The following GPRC5C variants were observed in gnomAD, a reference collection of about 807,000 sequenced individuals.
The protein encoded by GPRC5C is G protein-coupled receptor family C group 5 member C.
In GPRC5C, 22 loss-of-function variants were observed where a neutral mutation model predicts 31.4. The ratio of observed to expected loss-of-function variants is 0.70; its 90% CI spans 0.50 to 1.00. GPRC5C has a LOEUF of 1.00. Ranked by LOEUF, GPRC5C falls within the 50% of genes least tolerant of loss-of-function variation. The pLI is 0.00. For missense variants in GPRC5C, 557 were observed against 597.2 expected (o/e 0.93, Z 0.70); for synonymous variants, 249 against 257.5 (o/e 0.97, Z 0.32).
Position 74,440,367 on chromosome 17 carries a change from C to T in GPRC5C, c.591C>T (p.Ala197=), listed in dbSNP as rs185247345. The part of the protein sequence containing the change: ...GPQGNSSAGW[A]VASPCAIANM... Reference sequence around the variant, plus strand: ...AGGGCAACAGCAGCGCAGGCTGGGCCGTGGCCTCCCCCTGTGCCATCGCCA... The same window carrying T: ...AGGGCAACAGCAGCGCAGGCTGGGCTGTGGCCTCCCCCTGTGCCATCGCCA... The change falls in exon 2 of 4, where the codon GCC becomes GCT. Residue 197 remains alanine, a synonymous_variant. Transcript: ENST00000392627. This position sits in a 1 kb window ranked among gnomAD's most constrained non-coding sequence, Gnocchi z 4.4. The T allele has an allele frequency of 4.6e-5, 74 of 1,614,004 alleles. No homozygotes were observed. The highest frequency in any genetic ancestry group is 5.5e-5 in the Non-Finnish European group (65 of 1,180,020).
In GPRC5C at chr17:74,440,875, C is replaced by T; in HGVS notation, c.1051+48C>T. On this transcript the variant is annotated intron_variant, in intron 2 of 3. Coordinates refer to ENST00000392627, the MANE Select transcript of GPRC5C (RefSeq NM_022036.4). This position sits in a 1 kb window ranked among gnomAD's most constrained non-coding sequence, Gnocchi z 4.4. ...AGTGGCCCCTTTCTCCATCCCATGT[C>T]TTTTACTGCAGGACAGGGAGCCAGT... 7.0e-7 allele frequency: 1 copy of T among 1,423,112 alleles called. No individual in the cohort carries two copies. The highest frequency in any genetic ancestry group is 1.8e-5 in the South Asian group (1 of 55,360). The allele number at this position is 1,423,112 out of a possible 1,614,324, so 88.2% of individuals were successfully genotyped here. A position where few individuals can be genotyped will look rare whatever the true frequency, so the allele number is the denominator to read the frequency against.
chr17:74,440,667 C>T lies in GPRC5C; in HGVS notation c.891C>T (p.Ile297=). 6.2e-7 allele frequency: 1 copy of T among 1,608,212 alleles called. No homozygotes were observed. The highest frequency in any genetic ancestry group is 2.2e-5 in the East Asian group (1 of 44,696). Residue 297 remains isoleucine (I), a synonymous_variant, in exon 2 of 4, where the codon ATC becomes ATT. Coordinates refer to ENST00000392627, the MANE Select transcript of GPRC5C (RefSeq NM_022036.4). The surrounding 1 kb of genome is among the most constrained non-coding windows in gnomAD (Gnocchi z 4.4). The part of the protein sequence containing the change: ...NAWAFVLFYV[I]PEVSQVTKSS... ...GGGCCTTCGTCCTCTTCTACGTCATCCCCGAGGTCTCCCAGGTGACCAAGT... is the reference window on the plus strand; with the variant it reads ...GGGCCTTCGTCCTCTTCTACGTCATTCCCGAGGTCTCCCAGGTGACCAAGT...
At chr17:74,432,340 T>A in intron 1 of GPRC5C, 199 bp downstream of exon 1, 6 of 1,418,134 alleles carry the variant, frequency 4.2e-6, no homozygotes, top group Non-Finnish European at 5.5e-6. Context: ...CCAGCGCGCC[T>A]GGCTCAGCCT....
chr17:74,436,861 C>T (rs2055439082), intron 1 of GPRC5C, among the ~76,000 whole-genome samples: 1 of 152,224 alleles, frequency 6.6e-6, no homozygotes, highest in South Asian at 2.1e-4. Flanking sequence ...TAGGATCCCA[C>T]AGCTTGTTGT....
downstream of GPRC5C, among the ~76,000 whole-genome samples, chr17:74,448,441 A>G (rs1328706067): frequency 6.6e-6 from 1 of 152,138 alleles, no homozygotes; most frequent in African/African-American, 2.4e-5. Context: ...GCAGTGGCAC[A>G]ATCTCGGCTC....
intron 1 of GPRC5C, among the ~76,000 whole-genome samples, chr17:74,434,299 C>T (rs1425022082): frequency 1.3e-5 from 2 of 152,132 alleles, no homozygotes; most frequent in African/African-American, 2.4e-5. Context: ...AATCTTTAAG[C>T]AGAAGATGCA....
chr17:74,446,944 C>T lies in GPRC5C; in HGVS notation c.1242C>T (p.Tyr414=). 1 of 1,614,154 alleles carries T rather than the reference C, an allele frequency of 6.2e-7. No homozygotes were observed. The highest frequency in any genetic ancestry group is 8.5e-7 in the Non-Finnish European group (1 of 1,179,970). The change falls in exon 4 of 4, where the codon TAC becomes TAT. Residue 414 remains tyrosine (Y), a synonymous_variant. Transcript: ENST00000392627. The stretch of plus-strand genomic sequence containing the variant: ...CGACCCTGCGGGCTGAAGACATGTA[C>T]TCGGCCCAGAGCCACCAGGCGGCCA... ...ANSTLRAEDM[Y]SAQSHQAATP... is the part of the protein sequence containing the mutation.
rs1335571673 is a variant in GPRC5C at position 74,440,247 on chromosome 17, C to T, written c.471C>T (p.Phe157=). The part of the protein sequence containing the change: ...KNHGPRGWVI[F]TVALLLTLVE... The stretch of plus-strand genomic sequence containing the variant: ...ACGGGCCCCGGGGCTGGGTGATCTT[C>T]ACTGTGGCTCTGCTGCTGACCCTGG... The change falls in exon 2 of 4, where the codon TTC becomes TTT. Residue 157 remains phenylalanine (F), a synonymous_variant. Transcript: ENST00000392627. The surrounding 1 kb of genome is among the most constrained non-coding windows in gnomAD (Gnocchi z 4.4). The T allele has an allele frequency of 6.2e-7, 1 of 1,614,214 alleles. No individual in the cohort carries two copies. The highest frequency in any genetic ancestry group is 8.5e-7 in the Non-Finnish European group (1 of 1,180,028).
rs770239078 is a variant in GPRC5C, at chr17:74,447,178, G to A, written c.*150G>A. The A allele has an allele frequency of 2.6e-5, 37 of 1,427,892 alleles. No homozygotes were observed. Among genetic ancestry groups the A allele is most frequent in the Non-Finnish European group, 2.9e-5 (32 of 1,091,118 alleles). 88.5% of individuals were successfully genotyped at this position (1,427,892 alleles called of 1,614,324 possible). On this transcript the variant is annotated 3_prime_UTR_variant, in exon 4 of 4. Coordinates refer to ENST00000392627, the MANE Select transcript of GPRC5C (RefSeq NM_022036.4). The stretch of plus-strand genomic sequence containing the variant: ...AGGGCCTCCCTCTCTGCCAGTGTTT[G>A]GGTGGGTGTCATGGGTGTCCCCACC...
chr17:74,443,794 A>G (rs768755861), intron 2 of GPRC5C, 24 bp from the exon 3 acceptor site: 1 of 1,552,576 alleles, frequency 6.4e-7, no homozygotes, highest in Non-Finnish European at 8.9e-7. Context: ...GGGATCTTCA[A>G]ACTGTTCCTG....
downstream of GPRC5C, chr17:74,448,910 C>T (rs1340227656): frequency 2.3e-6 from 3 of 1,289,244 alleles, no homozygotes; most frequent in Non-Finnish European, 3.0e-6. Flanking sequence ...CCGTGGCCCA[C>T]CCTGGGTAAG....
intron 1 of GPRC5C, among the ~76,000 whole-genome samples, chr17:74,436,762 G>T (rs1261714436): frequency 6.6e-6 from 1 of 152,164 alleles, no homozygotes; most frequent in Non-Finnish European, 1.5e-5. Context: ...AGTCTAAGTG[G>T]CAGTTCTGAG....
In GPRC5C at chr17:74,440,304, C is replaced by T. The variant is rs1039405064; in HGVS notation, c.528C>T (p.Ile176=). Residue 176 remains isoleucine, a synonymous_variant, in exon 2 of 4, where the codon ATC becomes ATT. Transcript: ENST00000392627. The surrounding 1 kb of genome is among the most constrained non-coding windows in gnomAD (Gnocchi z 4.4). ...TCATCATCAATACAGAGTGGCTGATCATCACCCTGGTTCGGGGCAGTGGCG... is the reference window on the plus strand; with the variant it reads ...TCATCATCAATACAGAGTGGCTGATTATCACCCTGGTTCGGGGCAGTGGCG... ...VEVIINTEWL[I]ITLVRGSGEG... 3.1e-6 allele frequency: 5 copies of T among 1,614,198 alleles called. No individual in the cohort carries two copies. Among genetic ancestry groups the T allele is most frequent in the Non-Finnish European group, 4.2e-6 (5 of 1,180,022 alleles).
intron 1 of GPRC5C, among the ~76,000 whole-genome samples, chr17:74,437,504 G>A (rs1399914209): frequency 2.6e-5 from 4 of 152,152 alleles, no homozygotes; most frequent in African/African-American, 4.8e-5. Context: ...TTTTCAAGTG[G>A]CATGGAGACT....
chr17:74,437,093 G>A (rs1008705692), intron 1 of GPRC5C, among the ~76,000 whole-genome samples: 5 of 152,034 alleles, frequency 3.3e-5, no homozygotes, highest in Admixed American at 6.5e-5. Flanking sequence ...ACAGGCGCAC[G>A]CCACCACACC....
Position 74,438,065 on chromosome 17 carries a change from C to T in GPRC5C, c.-32-1680C>T, listed in dbSNP as rs572059662. Among the ~76,000 whole-genome samples, 1,097 of 150,896 alleles carry T rather than the reference C, an allele frequency of 7.3e-3. 8 individuals carry two copies. Among genetic ancestry groups the T allele is most frequent in the Non-Finnish European group, 0.011 (762 of 67,708 alleles). ...TCTTTCTTTTTTTTGGAAACAGTCT[C>T]GCTCTGTTGCCCAGGCTGCAGTGCA... On this transcript the variant is annotated intron_variant, in intron 1 of 3. Transcript: ENST00000392627.
At chr17:74,434,926 G>C (rs1334427108) in intron 1 of GPRC5C, among the ~76,000 whole-genome samples, 2 of 137,470 alleles carry the variant, frequency 1.5e-5, no homozygotes, top group Non-Finnish European at 3.2e-5. Context: ...TTCGTCTCAA[G>C]AAAAAAAAAA....
chr17:74,434,970 A>G (rs2055411478), intron 1 of GPRC5C, among the ~76,000 whole-genome samples: 1 of 151,946 alleles, frequency 6.6e-6, no homozygotes, highest in Non-Finnish European at 1.5e-5. Context: ...CTGTAATCCC[A>G]GCACTTTGGG....
chr17:74,449,988 G>C (rs1184854115), downstream of GPRC5C: 2 of 152,498 alleles, frequency 1.3e-5, no homozygotes, highest in African/African-American at 2.4e-5. Context: ...GTGGGTCCTG[G>C]ATCTGAGCCC....
Sources: gnomAD v4.1 joint callset for allele counts (sites outside exome capture counted in the v4.1 genomes callset) on GRCh38, gnomAD v4.1.1 for gene constraint, Gnocchi (gnomAD v3.1) non-coding constraint, MANE v1.5 for transcripts, NCBI Gene and HGNC (gene_info 2026-07-23, HGNC 2026-07-21) for gene names.